The following ACSBG2 variants were observed in gnomAD, a reference collection of about 807,000 sequenced individuals.
ACSBG2 encodes the protein acyl-CoA synthetase bubblegum family member 2.
A neutral mutation model predicts 74.7 loss-of-function variants in ACSBG2; 62 were observed. The observed-to-expected ratio is 0.83, with a 90% CI of 0.68 to 1.03. The LOEUF (loss-of-function observed/expected upper bound fraction) is 1.03, where lower values mean the gene tolerates loss of function less well. ACSBG2 is among the 50% of genes least tolerant of loss of function. ACSBG2 has a pLI of 0.00. For missense variants in ACSBG2, 730 were observed against 817.6 expected (o/e 0.89, Z 1.31); for synonymous variants, 309 against 294.1 (o/e 1.05, Z -0.52).
intron 3 of ACSBG2, among the ~76,000 whole-genome samples, chr19:6,150,616 T>A (rs1328067712): frequency 6.6e-6 from 1 of 152,208 alleles, no homozygotes; most frequent in Non-Finnish European, 1.5e-5. Context: ...CCCGTATGGT[T>A]TCTTTCCTAG....
At chr19:6,148,723 G>A (rs985377673) in intron 3 of ACSBG2, among the ~76,000 whole-genome samples, 4 of 152,058 alleles carry the variant, frequency 2.6e-5, no homozygotes. Context: ...CTATGTTGCT[G>A]TGGCTAGTTC....
intron 10 of ACSBG2, among the ~76,000 whole-genome samples, chr19:6,184,832 GAAAAAAAAAAAAAAAAAAAAAAAA>G (rs371866289): frequency 1.6e-3 from 21 of 13,534 alleles, no homozygotes; most frequent in East Asian, 8.7e-3. Context: ...ATGTGGAGAT[GAAAAAAAAAAAAAAAAAAAAAAAA>G]AAAAAAAAAA....
At chr19:6,161,737 G>C (rs2089628712) in intron 6 of ACSBG2, among the ~76,000 whole-genome samples, 2 of 151,994 alleles carry the variant, frequency 1.3e-5, no homozygotes, top group Non-Finnish European at 2.9e-5. Flanking sequence ...AGCAATGCGT[G>C]GGGGCCTAGC....
At chr19:6,150,066 T>C (rs929404535) in intron 3 of ACSBG2, among the ~76,000 whole-genome samples, 3 of 151,720 alleles carry the variant, frequency 2.0e-5, no homozygotes, top group African/African-American at 7.3e-5. Context: ...CCCACTGCAC[T>C]CCAGCCTGGG....
At chr19:6,162,385 T>G in intron 6 of ACSBG2, among the ~76,000 whole-genome samples, 1 of 149,146 alleles carries the variant, frequency 6.7e-6, no homozygotes, top group African/African-American at 2.5e-5. Context: ...GCTAACACGG[T>G]GAAACCCCGT....
intron 7 of ACSBG2, among the ~76,000 whole-genome samples, chr19:6,173,725 C>G (rs533768007): frequency 1.6e-4 from 25 of 152,282 alleles, no homozygotes; most frequent in South Asian, 1.2e-3. Flanking sequence ...AAACTGACAT[C>G]TGATGTCCGT....
intron 1 of ACSBG2, among the ~76,000 whole-genome samples, chr19:6,140,470 G>C (rs1266848883): frequency 6.6e-6 from 1 of 152,134 alleles, no homozygotes; most frequent in Non-Finnish European, 1.5e-5. Flanking sequence ...ACTTGAGCTT[G>C]GGAGTTCGAA....
intron 14 of ACSBG2, 120 bp downstream of exon 14, chr19:6,190,812 T>TACAC (rs58730661): frequency 0.27 from 88,465 of 333,394 alleles, 8,142 homozygotes; most frequent in East Asian, 0.34. Flanking sequence ...CACACATACA[T>TACAC]ACACACACAC....
At chr19:6,140,020 G>A (rs779373918) in intron 1 of ACSBG2, among the ~76,000 whole-genome samples, 2 of 152,058 alleles carry the variant, frequency 1.3e-5, no homozygotes, top group East Asian at 3.9e-4. Flanking sequence ...TCAGGAGATC[G>A]AGACCATCCT....
intron 5 of ACSBG2, among the ~76,000 whole-genome samples, chr19:6,157,478 G>A (rs913795832): frequency 1.8e-4 from 28 of 152,134 alleles, no homozygotes; most frequent in African/African-American, 6.5e-4. Context: ...TGGCAGGATC[G>A]CTTGAACCTG....
At chr19:6,169,899 GA>G (rs1191025950) in intron 7 of ACSBG2, among the ~76,000 whole-genome samples, 2 of 152,146 alleles carry the variant, frequency 1.3e-5, no homozygotes, top group African/African-American at 4.8e-5. Context: ...TTGGTATATA[GA>G]AATGCTACTG....
chr19:6,185,106 T>C (rs973395076), intron 10 of ACSBG2, among the ~76,000 whole-genome samples: 4 of 151,882 alleles, frequency 2.6e-5, no homozygotes, highest in Non-Finnish European at 2.9e-5. Flanking sequence ...TTATTATTTT[T>C]GTAGAGACGG....
intron 11 of ACSBG2, among the ~76,000 whole-genome samples, chr19:6,186,865 C>T (rs765435507): frequency 7.9e-5 from 12 of 151,940 alleles, no homozygotes; most frequent in South Asian, 2.1e-4. Flanking sequence ...CCACCACACC[C>T]GGCTATTTTT....
intron 3 of ACSBG2, among the ~76,000 whole-genome samples, chr19:6,150,789 G>C (rs933687469): frequency 6.6e-6 from 1 of 152,074 alleles, no homozygotes; most frequent in African/African-American, 2.4e-5. Context: ...ACAACCATGT[G>C]GATGTGTTTA....
Position 6,185,452 on chromosome 19 carries a change from A to T in ACSBG2, c.1339A>T (p.Thr447Ser), listed in dbSNP as rs778884219. 1.2e-6 allele frequency: 2 copies of T among 1,614,112 alleles called. No individual in the cohort carries two copies. Among genetic ancestry groups the T allele is most frequent in the Admixed American group, 1.7e-5 (1 of 60,016 alleles). The change falls in exon 11 of 15, where the codon ACT (threonine) becomes TCT (serine). Residue 447 changes from threonine to serine, a missense_variant. Physicochemically the swap from Thr to Ser is moderately conservative, Grantham distance 58 (BLOSUM62 1). Transcript: ENST00000588485. ...YRLLSCGKIL[T>S]GCKNMLFQQN... ...CCCTGGCAGCTGTGGCAAGATCTTG[A>T]CTGGGTGTAAGAATATGCTGTTCCA...
chr19:6,182,666 G>A, intron 8 of ACSBG2, 85 bp from the exon 9 acceptor site: 2 of 1,346,412 alleles, frequency 1.5e-6, no homozygotes, highest in Non-Finnish European at 2.1e-6. Flanking sequence ...TGTTCTCTTG[G>A]GCAAAGTTGG....
chr19:6,158,248 A>G (rs1020740832), intron 5 of ACSBG2, among the ~76,000 whole-genome samples: 6 of 151,704 alleles, frequency 4.0e-5, no homozygotes, highest in Admixed American at 3.9e-4. Flanking sequence ...TAGTAGAGAC[A>G]GGGTTTCACC....
intron 5 of ACSBG2, among the ~76,000 whole-genome samples, chr19:6,158,061 T>TC (rs1491513111): frequency 7.9e-5 from 1 of 12,640 alleles, no homozygotes; most frequent in Non-Finnish European, 1.5e-4. Flanking sequence ...TTTTTTTTTC[T>TC]TTTTTTTTTT....
chr19:6,141,485 T>A, intron 1 of ACSBG2, 28 bp from the exon 2 acceptor site: 1 of 1,199,528 alleles, frequency 8.3e-7, no homozygotes, highest in Non-Finnish European at 1.2e-6. Flanking sequence ...GCCAATCCTG[T>A]TAAACTCCCT....
Sources: allele counts gnomAD v4.1 joint callset (sites outside exome capture counted in the v4.1 genomes callset), GRCh38; gene constraint gnomAD v4.1.1; transcripts MANE v1.5; gene names NCBI Gene and HGNC (gene_info 2026-07-23, HGNC 2026-07-21).